RPA3: variants seen among roughly 807,000 people sequenced by gnomAD.
The protein encoded by RPA3 is replication protein A 14 kDa subunit.
In RPA3, 24 loss-of-function variants were observed where a neutral mutation model predicts 13.7. That is an observed-to-expected ratio of 1.75 (90% CI 1.27 to 2.46). RPA3 has a LOEUF of 2.46. RPA3 is among the 30% of genes most tolerant of loss of function. The pLI is 0.00. For missense variants in RPA3, 183 were observed against 151.0 expected (o/e 1.21, Z -1.11); for synonymous variants, 59 against 51.2 (o/e 1.15, Z -0.65).
In RPA3 at chr7:7,636,905, T is replaced by C; in HGVS notation, c.*95A>G. On this transcript the variant is annotated 3_prime_UTR_variant, in exon 8 of 8. Transcript: ENST00000223129. ...TATCTTAAAAACAGCAAATTAAATA[T>C]GAGAAAGCACAGAAATCTCTCCCTC... 10 of 915,254 alleles carry C rather than the reference T, an allele frequency of 1.1e-5. No individual in the cohort carries two copies. Among genetic ancestry groups the C allele is most frequent in the Non-Finnish European group, 1.8e-5 (10 of 570,916 alleles). 56.7% of individuals were successfully genotyped at this position (915,254 alleles called of 1,614,324 possible).
intron 2 of RPA3, among the ~76,000 whole-genome samples, chr7:7,700,551 C>T (rs1301380453): frequency 6.6e-6 from 1 of 151,776 alleles, no homozygotes; most frequent in Admixed American, 6.6e-5. Context: ...ATAGTGAGAC[C>T]CCCATCTCTA....
chr7:7,655,855 G>C (rs777078666), intron 4 of RPA3, among the ~76,000 whole-genome samples: 99 of 152,062 alleles, frequency 6.5e-4, no homozygotes, highest in Non-Finnish European at 1.3e-3. Context: ...TTGTTTTTGA[G>C]ACAGAGTTTC....
chr7:7,708,563 ATT>A (rs1780666433), intron 2 of RPA3, among the ~76,000 whole-genome samples: 1 of 152,206 alleles, frequency 6.6e-6, no homozygotes, highest in Non-Finnish European at 1.5e-5. Context: ...AACTTGAAAC[ATT>A]GAAAGGAAAC....
intron 5 of RPA3, among the ~76,000 whole-genome samples, 175 bp from the exon 6 acceptor site, chr7:7,639,319 G>A (rs556325603): frequency 2.8e-5 from 1 of 35,758 alleles, no homozygotes; most frequent in African/African-American, 1.2e-4. Context: ...ATCTGTTCAT[G>A]GAACACACAG....
intron 4 of RPA3, among the ~76,000 whole-genome samples, chr7:7,653,309 T>TGACTCA (rs1305935325): frequency 2.6e-5 from 4 of 152,252 alleles, no homozygotes; most frequent in Admixed American, 2.0e-4. Context: ...TTAATTTAGA[T>TGACTCA]GACTCAAGAT....
chr7:7,681,848 T>G (rs1779921177), intron 4 of RPA3, among the ~76,000 whole-genome samples: 1 of 152,168 alleles, frequency 6.6e-6, no homozygotes. Flanking sequence ...ATAGTTATTT[T>G]AAGTTAGGAA....
chr7:7,664,829 A>G (rs1004048512), intron 4 of RPA3, among the ~76,000 whole-genome samples: 2 of 152,224 alleles, frequency 1.3e-5, no homozygotes, highest in Non-Finnish European at 2.9e-5. Flanking sequence ...CTGTATTGGT[A>G]TCTCTGAGGA....
rs558373339 is a variant in RPA3, at chr7:7,668,439, A to G, written c.-758+17391T>C. Among the ~76,000 whole-genome samples, 7 of 152,220 alleles carry G rather than the reference A, an allele frequency of 4.6e-5. No individual in the cohort carries two copies. In the South Asian group the frequency reaches 1.4e-3, roughly 32 times the overall value. On this transcript the variant is annotated intron_variant, in intron 4 of 7. Coordinates refer to ENST00000223129, the MANE Select transcript of RPA3 (RefSeq NM_002947.5). ...GGGGGACCATATTCACATAACTTTT[A>G]TTACTATATATTGTTATAGTTCTAT...
At chr7:7,643,644 G>C (rs1785026439) in intron 4 of RPA3, among the ~76,000 whole-genome samples, 2 of 151,704 alleles carry the variant, frequency 1.3e-5, no homozygotes. Context: ...CCCGAGAGGC[G>C]GAGCTTGCAG....
chr7:7,665,575 G>C (rs757642043), intron 4 of RPA3, among the ~76,000 whole-genome samples: 6 of 152,174 alleles, frequency 3.9e-5, no homozygotes, highest in Non-Finnish European at 7.3e-5. Flanking sequence ...AATTTGATGA[G>C]TTTTGATGTG....
intron 2 of RPA3, among the ~76,000 whole-genome samples, chr7:7,712,793 A>G (rs1042062418): frequency 1.3e-5 from 2 of 152,192 alleles, no homozygotes; most frequent in Non-Finnish European, 2.9e-5. Context: ...GTGAACTACT[A>G]CATACAATAC....
chr7:7,685,872 G>T lies in RPA3; in HGVS notation c.-800C>A. On this transcript the variant is annotated 5_prime_UTR_variant, in exon 4 of 8. Coordinates refer to ENST00000223129, the MANE Select transcript of RPA3 (RefSeq NM_002947.5). The stretch of plus-strand genomic sequence containing the variant: ...TCATAAAATAAGTAAGAAGAATGTG[G>T]TAAATTAGTGTCGTATCTTTTTTTG... The T allele has an allele frequency of 6.6e-6, 1 of 152,202 alleles. No individual in the cohort carries two copies. Among genetic ancestry groups the T allele is most frequent in the East Asian group, 1.9e-4 (1 of 5,200 alleles). 9.4% of individuals were successfully genotyped at this position (152,202 alleles called of 1,614,324 possible).
intron 2 of RPA3, among the ~76,000 whole-genome samples, chr7:7,702,719 G>A (rs1417771681): frequency 6.6e-6 from 1 of 152,178 alleles, no homozygotes; most frequent in Non-Finnish European, 1.5e-5. Context: ...CATCTATGAT[G>A]ATTTCTGAAA....
At chr7:7,709,144 T>G (rs1450391096) in intron 2 of RPA3, among the ~76,000 whole-genome samples, 1 of 152,220 alleles carries the variant, frequency 6.6e-6, no homozygotes, top group African/African-American at 2.4e-5. Flanking sequence ...GATTTTGTAA[T>G]GGTTAAATAA....
intron 4 of RPA3, among the ~76,000 whole-genome samples, chr7:7,653,839 A>G (rs988268038): frequency 6.6e-6 from 1 of 152,040 alleles, no homozygotes; most frequent in African/African-American, 2.4e-5. Flanking sequence ...CAGCTGGGGG[A>G]TAGGAAGGCA....
At chr7:7,676,796 G>A (rs1313535410) in intron 4 of RPA3, among the ~76,000 whole-genome samples, 1 of 152,096 alleles carries the variant, frequency 6.6e-6, no homozygotes, top group Non-Finnish European at 1.5e-5. Context: ...TCCTTCAGTG[G>A]TGAAGAACTT....
intron 2 of RPA3, among the ~76,000 whole-genome samples, chr7:7,705,784 A>C (rs985577722): frequency 2.0e-5 from 3 of 152,198 alleles, no homozygotes; most frequent in African/African-American, 7.2e-5. Context: ...CTAATGTAAA[A>C]TATGGACTTT....
intron 4 of RPA3, among the ~76,000 whole-genome samples, chr7:7,669,831 T>G (rs967381530): frequency 6.6e-6 from 1 of 152,204 alleles, no homozygotes; most frequent in African/African-American, 2.4e-5. Context: ...CATTCTCAGT[T>G]CTTTTCTATA....
intron 4 of RPA3, among the ~76,000 whole-genome samples, chr7:7,660,318 T>C (rs1256916338): frequency 1.3e-5 from 2 of 152,230 alleles, no homozygotes; most frequent in Non-Finnish European, 2.9e-5. Flanking sequence ...GTTAATAATG[T>C]TATGTGTGAA....
Sources: allele counts gnomAD v4.1 joint callset (sites outside exome capture counted in the v4.1 genomes callset), GRCh38; gene constraint gnomAD v4.1.1; transcripts MANE v1.5; gene names NCBI Gene and HGNC (gene_info 2026-07-23, HGNC 2026-07-21).